USP15: variants seen among roughly 807,000 people sequenced by gnomAD.
USP15 encodes ubiquitin carboxyl-terminal hydrolase 15.
USP15 carries 18 observed loss-of-function variants against 127.1 expected under a neutral mutation model. That is an observed-to-expected ratio of 0.14 (90% CI 0.10 to 0.21). The LOEUF (loss-of-function observed/expected upper bound fraction) is 0.21, where lower values mean the gene tolerates loss of function less well. Ranked by LOEUF, USP15 falls within the 10% of genes least tolerant of loss-of-function variation. The pLI is 1.00. For synonymous variants in USP15, 364 were observed against 393.7 expected (o/e 0.92, Z 0.89); for missense variants, 805 against 1,159.9 (o/e 0.69, Z 4.44).
chr12:62,310,019 T>C (rs1213301940), intron 3 of USP15, among the ~76,000 whole-genome samples: 2 of 151,896 alleles, frequency 1.3e-5, no homozygotes, highest in South Asian at 2.1e-4. Context: ...TACAAGACTG[T>C]CAGTGTTTTT....
rs12423175 is a variant in USP15, at chr12:62,338,200, G to A, written c.684-11021G>A. Among the ~76,000 whole-genome samples, 69 of 152,254 alleles carry A rather than the reference G, an allele frequency of 4.5e-4. 1 individual carries two copies. The South Asian group carries it at 9.3e-3, about 21-fold the overall frequency. Reference sequence around the variant, plus strand: ...GACTGGTGTGAGATGGTATCTCATCGTGGTGTGATTTGCATTTGTCTAATG... The same window carrying A: ...GACTGGTGTGAGATGGTATCTCATCATGGTGTGATTTGCATTTGTCTAATG... On this transcript the variant is annotated intron_variant, in intron 6 of 21. Transcript: ENST00000280377.
At chr12:62,363,285 C>G (rs1294062331) in intron 8 of USP15, among the ~76,000 whole-genome samples, 1 of 152,098 alleles carries the variant, frequency 6.6e-6, no homozygotes, top group Non-Finnish European at 1.5e-5. Flanking sequence ...TCTCATTTCA[C>G]TCAACGATCA....
At chr12:62,340,545 A>G (rs1403021993) in intron 6 of USP15, among the ~76,000 whole-genome samples, 1 of 152,158 alleles carries the variant, frequency 6.6e-6, no homozygotes, top group Non-Finnish European at 1.5e-5. Flanking sequence ...ATTTCCCTCT[A>G]CACACTGCTT....
intron 1 of USP15, among the ~76,000 whole-genome samples, chr12:62,292,599 G>T (rs886187333): frequency 2.0e-5 from 3 of 152,204 alleles, no homozygotes; most frequent in African/African-American, 7.2e-5. Flanking sequence ...CCTTCTCTAT[G>T]TCTGGGCTCA....
chr12:62,297,847 T>C (rs1372557287), intron 2 of USP15, among the ~76,000 whole-genome samples: 1 of 152,108 alleles, frequency 6.6e-6, no homozygotes, highest in Non-Finnish European at 1.5e-5. Flanking sequence ...AGAGATGAAT[T>C]GCCTGACAGA....
intron 6 of USP15, among the ~76,000 whole-genome samples, chr12:62,348,642 A>G (rs183937510): frequency 2.6e-5 from 4 of 152,342 alleles, no homozygotes; most frequent in Admixed American, 2.6e-4. Flanking sequence ...TTAAAAACCA[A>G]TAGTAATTGC....
intron 11 of USP15, 78 bp from the exon 12 acceptor site, chr12:62,389,353 G>C: frequency 8.4e-7 from 1 of 1,191,532 alleles, no homozygotes; most frequent in Non-Finnish European, 1.2e-6. Context: ...ATGTGAGATA[G>C]CAACCATGAG....
At chr12:62,322,863 A>G (rs774610153) in intron 5 of USP15, among the ~76,000 whole-genome samples, 1 of 152,200 alleles carries the variant, frequency 6.6e-6, no homozygotes, top group African/African-American at 2.4e-5. Context: ...TGAGCTGCTT[A>G]TAGTTCCCTG....
At chr12:62,282,491 A>G (rs1446811093) in intron 1 of USP15, among the ~76,000 whole-genome samples, 1 of 152,138 alleles carries the variant, frequency 6.6e-6, no homozygotes, top group African/African-American at 2.4e-5. Context: ...CCTTTTTGTA[A>G]TAGTGTGAGA....
At chr12:62,279,756 G>T (rs1271823130) in intron 1 of USP15, among the ~76,000 whole-genome samples, 4 of 152,094 alleles carry the variant, frequency 2.6e-5, no homozygotes, top group Admixed American at 2.0e-4. Flanking sequence ...GAAAAGAACC[G>T]ACTGCATGTA....
rs559507804 is a variant in USP15 at position 62,353,992 on chromosome 12, G to A, written c.771-1339G>A. Among the ~76,000 whole-genome samples, 11 of 152,048 alleles carry A rather than the reference G, an allele frequency of 7.2e-5. No homozygotes were observed. In the South Asian group the frequency reaches 2.1e-3, roughly 29 times the overall value. ...TCTCAGGGTGGATTATTTTTTCAGA[G>A]TTGAGGAGTTGACCTCTTTTGTTTG... On this transcript the variant is annotated intron_variant, in intron 7 of 21. Coordinates refer to ENST00000280377, the MANE Select transcript of USP15 (RefSeq NM_001252078.2).
chr12:62,350,752 G>C (rs1453250359), intron 7 of USP15, among the ~76,000 whole-genome samples: 1 of 151,908 alleles, frequency 6.6e-6, no homozygotes, highest in Non-Finnish European at 1.5e-5. Flanking sequence ...AGCCTCTTGA[G>C]TACTTGGATT....
At chr12:62,297,988 C>T (rs946764647) in intron 2 of USP15, among the ~76,000 whole-genome samples, 1 of 152,096 alleles carries the variant, frequency 6.6e-6, no homozygotes, top group African/African-American at 2.4e-5. Context: ...AAGAACCAAA[C>T]AAATTTTGGA....
intron 9 of USP15, among the ~76,000 whole-genome samples, 164 bp from the exon 10 acceptor site, chr12:62,383,676 A>G (rs1253020794): frequency 6.6e-6 from 1 of 151,958 alleles, no homozygotes; most frequent in African/African-American, 2.4e-5. Flanking sequence ...CACTCTGAAA[A>G]TATCTACAAA....
chr12:62,353,005 A>G (rs2066006430), intron 7 of USP15, among the ~76,000 whole-genome samples: 1 of 152,164 alleles, frequency 6.6e-6, no homozygotes, highest in African/African-American at 2.4e-5. Context: ...TAGTAGACAT[A>G]GTCATGAAAG....
chr12:62,305,924 C>G (rs2137211770), intron 3 of USP15: 1 of 152,298 alleles, frequency 6.6e-6, no homozygotes, highest in East Asian at 1.9e-4. Flanking sequence ...CTCTAGCTGT[C>G]TCTCTTTCTC....
chr12:62,336,254 T>C, intron 6 of USP15: 1 of 985,456 alleles, frequency 1.0e-6, no homozygotes. Context: ...ACCACTTTTC[T>C]GAATTCCAGA....
chr12:62,321,683 C>G (rs1004297473), intron 5 of USP15, 74 bp downstream of exon 5: 1 of 1,272,850 alleles, frequency 7.9e-7, no homozygotes, highest in Non-Finnish European at 1.0e-6. Flanking sequence ...ATTATCCTGG[C>G]AATATATAAT....
rs114336503 is a variant in USP15 at position 62,290,832 on chromosome 12, T to G, written c.90-3347T>G. On this transcript the variant is annotated intron_variant, in intron 1 of 21. Transcript: ENST00000280377. The stretch of plus-strand genomic sequence containing the variant: ...ATGACAGATTCCCTCAATGATTGTT[T>G]TTCTAGGAAAGACTTTATATCTCCT... Among the ~76,000 whole-genome samples, 1,410 of 152,326 alleles carry G rather than the reference T, an allele frequency of 9.3e-3. 24 individuals are homozygous for G. The highest frequency in any genetic ancestry group is 0.032 in the African/African-American group (1,333 of 41,564).
Sources: allele counts gnomAD v4.1 joint callset (sites outside exome capture counted in the v4.1 genomes callset), GRCh38; gene constraint gnomAD v4.1.1; transcripts MANE v1.5; gene names NCBI Gene and HGNC (gene_info 2026-07-23, HGNC 2026-07-21).